The following MTREX variants were observed in gnomAD, a reference collection of about 807,000 sequenced individuals.
MTREX encodes Mtr4 exosome RNA helicase.
In MTREX, 76 loss-of-function variants were observed where a neutral mutation model predicts 135.4. That is an observed-to-expected ratio of 0.56 (90% CI 0.47 to 0.68). The LOEUF (loss-of-function observed/expected upper bound fraction) is 0.68. Among genes scored for constraint, MTREX ranks in the 30% least tolerant of loss-of-function variants. The pLI is 0.00. For synonymous variants in MTREX, 404 were observed against 401.6 expected, an observed-to-expected ratio of 1.01 and a Z score of -0.07; for missense variants, 920 against 1,262.1, an observed-to-expected ratio of 0.73 and a Z score of 4.11.
In MTREX at chr5:55,347,155, A is replaced by G. The variant is rs760767106; in HGVS notation, c.1240+11A>G. On this transcript the variant is annotated intron_variant, in intron 11 of 26. Transcript: ENST00000230640. ...TAGATTTCAACACAGGTACTACATCATTTCAGTATCATTTTAATGTTATGT... is the reference window on the plus strand; with the variant it reads ...TAGATTTCAACACAGGTACTACATCGTTTCAGTATCATTTTAATGTTATGT... 15 of 1,585,810 alleles carry G rather than the reference A, an allele frequency of 9.5e-6. No individual in the cohort carries two copies. Among genetic ancestry groups the G allele is most frequent in the Admixed American group, 1.9e-5 (1 of 53,518 alleles).
chr5:55,342,016 C>G (rs1749657429), intron 7 of MTREX, among the ~76,000 whole-genome samples: 2 of 152,126 alleles, frequency 1.3e-5, no homozygotes. Context: ...GCCTTGATCT[C>G]CATCTCAGTC....
chr5:55,409,525 A>T (rs1005945086), intron 22 of MTREX, among the ~76,000 whole-genome samples: 1 of 152,214 alleles, frequency 6.6e-6, no homozygotes, highest in East Asian at 1.9e-4. Context: ...AATCTTTGTA[A>T]TAATAAATAT....
chr5:55,415,946 A>G (rs1212035966), intron 24 of MTREX, 24 bp from the exon 25 acceptor site: 1 of 1,544,016 alleles, frequency 6.5e-7, no homozygotes, highest in South Asian at 1.2e-5. Context: ...TAAGTAAGGA[A>G]TTTTAACTCT....
At chr5:55,330,926 A>T (rs1352192966) in intron 5 of MTREX, among the ~76,000 whole-genome samples, 1 of 151,278 alleles carries the variant, frequency 6.6e-6, no homozygotes, top group Non-Finnish European at 1.5e-5. Context: ...TGTTGCTGTG[A>T]CTTCAGGTTT....
At chr5:55,312,760 C>G (rs1165311465) in intron 1 of MTREX, among the ~76,000 whole-genome samples, 1 of 152,128 alleles carries the variant, frequency 6.6e-6, no homozygotes, top group Non-Finnish European at 1.5e-5. Flanking sequence ...TTTTCTGAAA[C>G]TTGGATTTCC....
At chr5:55,312,821 C>A (rs1445768157) in intron 1 of MTREX, among the ~76,000 whole-genome samples, 1 of 152,160 alleles carries the variant, frequency 6.6e-6, no homozygotes, top group Admixed American at 6.6e-5. Context: ...GTCTTTTTGA[C>A]AAGACATCAT....
intron 21 of MTREX, among the ~76,000 whole-genome samples, chr5:55,403,632 G>GTC (rs1344001371): frequency 6.6e-6 from 1 of 152,186 alleles, no homozygotes; most frequent in Non-Finnish European, 1.5e-5. Flanking sequence ...GGCATCCTCA[G>GTC]TCACTTCAGT....
rs780017305 is a variant in MTREX at position 55,405,453 on chromosome 5, G to A, written c.2510G>A (p.Arg837Gln). 5.6e-6 allele frequency: 9 copies of A among 1,613,500 alleles called. No homozygotes were observed. Among genetic ancestry groups the A allele is most frequent in the East Asian group, 2.2e-5 (1 of 44,838 alleles). Reference sequence around the variant, plus strand: ...GCAATAGATATTAAATCTGCAAAGCGAGAACTGAAGAAAGCAAGAACAGTC... The same window carrying A: ...GCAATAGATATTAAATCTGCAAAGCAAGAACTGAAGAAAGCAAGAACAGTC... ...QIAIDIKSAK[R>Q]ELKKARTVLQ... is the part of the protein sequence containing the mutation. Residue 837 changes from arginine to glutamine, a missense_variant, in exon 22 of 27, where the codon CGA becomes CAA. This residue lies in a region of MTREX where 467 missense variants were observed against 589.7 expected (regional missense o/e 0.79). Coordinates refer to ENST00000230640, the MANE Select transcript of MTREX (RefSeq NM_015360.5).
chr5:55,327,959 C>T (rs993603610), intron 4 of MTREX, among the ~76,000 whole-genome samples, 181 bp downstream of exon 4: 14 of 152,050 alleles, frequency 9.2e-5, no homozygotes, highest in Non-Finnish European at 1.8e-4. Flanking sequence ...GGAAACCAGC[C>T]ATTACATGAT....
chr5:55,380,368 A>C (rs1013898102), intron 18 of MTREX, among the ~76,000 whole-genome samples: 2 of 152,210 alleles, frequency 1.3e-5, no homozygotes, highest in African/African-American at 4.8e-5. Context: ...CAATTGTAGA[A>C]CATTTTCATC....
intron 22 of MTREX, among the ~76,000 whole-genome samples, chr5:55,409,419 A>G (rs1292023159): frequency 6.6e-6 from 1 of 152,192 alleles, no homozygotes; most frequent in East Asian, 1.9e-4. Context: ...GTTTCCTTAT[A>G]TGGTCCACAA....
intron 22 of MTREX, 84 bp downstream of exon 22, chr5:55,405,672 T>C (rs1750793294): frequency 1.1e-5 from 13 of 1,151,938 alleles, no homozygotes; most frequent in Non-Finnish European, 1.5e-5. Flanking sequence ...TGAGATGGAG[T>C]CTCACTGTTG....
At chr5:55,375,346 T>A (rs1750278432) in intron 16 of MTREX, among the ~76,000 whole-genome samples, 1 of 152,092 alleles carries the variant, frequency 6.6e-6, no homozygotes, top group African/African-American at 2.4e-5. Context: ...AAGAGACAGG[T>A]ACGCCCCAGG....
chr5:55,346,087 G>A (rs1028867869), intron 10 of MTREX, among the ~76,000 whole-genome samples: 18 of 152,010 alleles, frequency 1.2e-4, no homozygotes, highest in African/African-American at 4.4e-4. Context: ...GGGTTTTTCT[G>A]GTTTTTGACT....
intron 5 of MTREX, among the ~76,000 whole-genome samples, chr5:55,333,501 G>A (rs1197099461): frequency 6.6e-6 from 1 of 152,086 alleles, no homozygotes; most frequent in Non-Finnish European, 1.5e-5. Context: ...GGCCATTAGT[G>A]TAACCTTGCT....
intron 5 of MTREX, among the ~76,000 whole-genome samples, chr5:55,333,656 G>C (rs949222439): frequency 7.2e-4 from 110 of 152,218 alleles, no homozygotes; most frequent in African/African-American, 2.6e-3. Context: ...AAAACCTGAT[G>C]AGGTTGGCTG....
intron 17 of MTREX, 121 bp downstream of exon 17, chr5:55,378,607 A>G (rs1750345094): frequency 1.8e-6 from 2 of 1,121,436 alleles, no homozygotes; most frequent in Admixed American, 3.2e-5. Flanking sequence ...GTTGATCTAT[A>G]TTAATCATAT....
At chr5:55,377,003 T>A (rs748612508) in intron 16 of MTREX, among the ~76,000 whole-genome samples, 3 of 150,582 alleles carry the variant, frequency 2.0e-5, no homozygotes, top group Non-Finnish European at 4.4e-5. Context: ...CCTGTGAGGC[T>A]GAGGTTGCAG....
At chr5:55,393,050 T>G (rs1290811508) in intron 19 of MTREX, among the ~76,000 whole-genome samples, 1 of 152,172 alleles carries the variant, frequency 6.6e-6, no homozygotes, top group Non-Finnish European at 1.5e-5. Flanking sequence ...TCAAAGAGGT[T>G]CCAGCCCTAT....
Sources: allele counts gnomAD v4.1 joint callset (sites outside exome capture counted in the v4.1 genomes callset), GRCh38; gene constraint gnomAD v4.1.1; regional missense constraint gnomAD v4.1.1; transcripts MANE v1.5; gene names NCBI Gene and HGNC (gene_info 2026-07-23, HGNC 2026-07-21).